The following PDGFRL variants were observed in gnomAD, a reference collection of about 807,000 sequenced individuals.
PDGFRL encodes the protein platelet derived growth factor receptor like, also known as platelet-derived growth factor receptor-like protein.
In PDGFRL, 46 loss-of-function variants were observed where a neutral mutation model predicts 37.2. That is an observed-to-expected ratio of 1.24 (90% CI 0.98 to 1.58). The LOEUF is 1.58. Among genes scored for constraint, PDGFRL ranks in the 40% most tolerant of loss-of-function variants. The probability of loss-of-function intolerance (pLI) is 0.00; values close to 1 mark genes in which losing one functional copy is unlikely to be tolerated. For missense variants in PDGFRL, 692 were observed against 467.6 expected (o/e 1.48, Z -4.43); for synonymous variants, 251 against 184.3 (o/e 1.36, Z -2.93).
chr8:17,605,371 A>G (rs948306904), intron 2 of PDGFRL, among the ~76,000 whole-genome samples: 1 of 151,908 alleles, frequency 6.6e-6, no homozygotes, highest in Non-Finnish European at 1.5e-5. Flanking sequence ...AATTTTTTAA[A>G]TTTTTTCTTG....
chr8:17,609,052 C>A (rs1230948920), intron 2 of PDGFRL, among the ~76,000 whole-genome samples: 2 of 152,158 alleles, frequency 1.3e-5, no homozygotes, highest in Non-Finnish European at 2.9e-5. Flanking sequence ...GACCCCATCT[C>A]TTAAAAACAA....
intron 2 of PDGFRL, among the ~76,000 whole-genome samples, chr8:17,613,492 G>A (rs755464404): frequency 4.6e-5 from 7 of 152,182 alleles, no homozygotes; most frequent in Non-Finnish European, 1.0e-4. Flanking sequence ...GACCTGCAGG[G>A]GTGAGAGTGA....
intron 2 of PDGFRL, among the ~76,000 whole-genome samples, chr8:17,610,825 C>G (rs1563518293): frequency 6.6e-6 from 1 of 152,080 alleles, no homozygotes. Flanking sequence ...GCGGGAGATT[C>G]CCTTGAACCC....
At chr8:17,624,614 A>G (rs1264752735) in intron 3 of PDGFRL, among the ~76,000 whole-genome samples, 3 of 152,218 alleles carry the variant, frequency 2.0e-5, no homozygotes, top group Non-Finnish European at 4.4e-5. Flanking sequence ...CACATTAATA[A>G]GTACTTTCCT....
At chr8:17,589,969 T>C (rs942399150) in intron 2 of PDGFRL, among the ~76,000 whole-genome samples, 1 of 151,880 alleles carries the variant, frequency 6.6e-6, no homozygotes, top group Non-Finnish European at 1.5e-5. Flanking sequence ...CGGTGGCTCA[T>C]GCCTGTAATC....
upstream of PDGFRL, chr8:17,576,849 TG>T (rs1162257401): frequency 7.2e-6 from 2 of 278,550 alleles, no homozygotes; most frequent in African/African-American, 2.3e-5. Context: ...CCTGAGGAGG[TG>T]GGGCGGGCGC....
Position 17,589,488 on chromosome 8 carries a change from A to C in PDGFRL, c.76A>C (p.Lys26Gln), listed in dbSNP as rs1464638445. The change falls in exon 2 of 6, where the codon AAG becomes CAG. Residue 26 changes from lysine (K) to glutamine (Q), a missense_variant. Coordinates refer to ENST00000251630, the MANE Select transcript of PDGFRL (RefSeq NM_001372073.1). The stretch of plus-strand genomic sequence containing the variant: ...TGCAGTTACTGGCCAACACCTTCCC[A>C]AGAACAAGCGTCCAAAAGAACCAGG... ...LEDVTGQHLP[K>Q]NKRPKEPGEN... is the part of the protein sequence containing the mutation. 1.2e-6 allele frequency: 2 copies of C among 1,613,520 alleles called. No homozygotes were observed. Among genetic ancestry groups the C allele is most frequent in the Non-Finnish European group, 1.7e-6 (2 of 1,179,650 alleles).
At chr8:17,593,500 A>G (rs1245842608) in intron 2 of PDGFRL, among the ~76,000 whole-genome samples, 2 of 151,876 alleles carry the variant, frequency 1.3e-5, no homozygotes, top group Non-Finnish European at 2.9e-5. Context: ...TGGGAGGCTA[A>G]GAGGGTGGGA....
chr8:17,613,846 G>C (rs1804470876), intron 2 of PDGFRL, among the ~76,000 whole-genome samples: 1 of 152,136 alleles, frequency 6.6e-6, no homozygotes, highest in South Asian at 2.1e-4. Context: ...GTAACAGAGT[G>C]AGACCCCATC....
intron 1 of PDGFRL, among the ~76,000 whole-genome samples, chr8:17,583,029 A>G (rs2720567): frequency 0.74 from 112,633 of 152,018 alleles, 42,434 homozygotes; most frequent in Non-Finnish European, 0.81. Context: ...CAATAAGCAG[A>G]ACAGAGAGGT....
chr8:17,621,643 A>G (rs774762590), intron 3 of PDGFRL, among the ~76,000 whole-genome samples: 3 of 152,214 alleles, frequency 2.0e-5, no homozygotes, highest in Admixed American at 1.3e-4. Context: ...CAAGTGCTCA[A>G]CTGTAGCATG....
intron 3 of PDGFRL, among the ~76,000 whole-genome samples, chr8:17,625,922 G>C (rs1235970632): frequency 6.6e-6 from 1 of 152,044 alleles, no homozygotes; most frequent in African/African-American, 2.4e-5. Context: ...TTGAGCCCTG[G>C]AGGTTGAAAC....
At chr8:17,597,239 TAC>T (rs1355012789) in intron 2 of PDGFRL, among the ~76,000 whole-genome samples, 4 of 152,210 alleles carry the variant, frequency 2.6e-5, no homozygotes, top group African/African-American at 9.6e-5. Flanking sequence ...CAGGCTGGTC[TAC>T]ACCTCTTGGC....
intron 2 of PDGFRL, among the ~76,000 whole-genome samples, chr8:17,612,943 G>A (rs1054042477): frequency 4.6e-5 from 7 of 151,932 alleles, no homozygotes; most frequent in Admixed American, 1.3e-4. Flanking sequence ...AACTTTTCCC[G>A]TAATCTATTG....
chr8:17,586,468 G>A (rs931814210), intron 1 of PDGFRL, among the ~76,000 whole-genome samples: 29 of 152,314 alleles, frequency 1.9e-4, no homozygotes, highest in African/African-American at 6.3e-4. Flanking sequence ...TCTCTAAGTG[G>A]ATGGAGAGGC....
chr8:17,620,651 A>C (rs1399112675), intron 2 of PDGFRL, among the ~76,000 whole-genome samples: 1 of 152,184 alleles, frequency 6.6e-6, no homozygotes, highest in Admixed American at 6.5e-5. Context: ...ATTTCTATGT[A>C]TTTGATCACT....
At chr8:17,602,826 G>A (rs1301824793) in intron 2 of PDGFRL, among the ~76,000 whole-genome samples, 1 of 152,160 alleles carries the variant, frequency 6.6e-6, no homozygotes, top group Non-Finnish European at 1.5e-5. Flanking sequence ...CCTATCACCA[G>A]TAAATGAAGA....
intron 2 of PDGFRL, among the ~76,000 whole-genome samples, chr8:17,597,137 C>T (rs1359546671): frequency 6.6e-6 from 1 of 152,234 alleles, no homozygotes; most frequent in East Asian, 1.9e-4. Flanking sequence ...TCTAGTGCCT[C>T]AGCCTCCCGA....
rs780162377 is a variant in PDGFRL, at chr8:17,634,152, G to A, written c.878G>A (p.Cys293Tyr). The A allele has an allele frequency of 1.2e-6, 2 of 1,612,988 alleles. No individual in the cohort carries two copies. Among genetic ancestry groups the A allele is most frequent in the Non-Finnish European group, 1.7e-6 (2 of 1,178,928 alleles). The change falls in exon 5 of 6, where the codon TGC becomes TAC. Residue 293 changes from cysteine to tyrosine, a missense_variant. Cys to Tyr is a radical substitution (Grantham distance 194, BLOSUM62 -2). Coordinates refer to ENST00000251630, the MANE Select transcript of PDGFRL (RefSeq NM_001372073.1). Reference sequence around the variant, plus strand: ...AGTGGGGACGACATCAGTGTGCTCTGCACTGTCCTGGGGGAGCCCGATGTG... The same window carrying A: ...AGTGGGGACGACATCAGTGTGCTCTACACTGTCCTGGGGGAGCCCGATGTG... ...VKSGDDISVL[C>Y]TVLGEPDVEV...
Sources: gnomAD v4.1 joint callset for allele counts (sites outside exome capture counted in the v4.1 genomes callset) on GRCh38, gnomAD v4.1.1 for gene constraint, MANE v1.5 for transcripts, NCBI Gene and HGNC (gene_info 2026-07-23, HGNC 2026-07-21) for gene names.